Variants in LINGO2 observed in about 807,000 individuals in gnomAD.
LINGO2 encodes the protein leucine-rich repeat and immunoglobulin-like domain-containing nogo receptor-interacting protein 2.
Under a neutral mutation model 30.6 loss-of-function variants are expected in LINGO2, and 14 were observed. That is an observed-to-expected ratio of 0.46 (90% CI 0.30 to 0.72). The LOEUF is 0.72. LINGO2 is among the 30% of genes least tolerant of loss of function. The pLI is 0.07. For missense variants in LINGO2, 729 were observed against 751.7 expected (o/e 0.97, Z 0.35); for synonymous variants, 317 against 288.5 (o/e 1.10, Z -1.00).
chr9:28,620,336 T>C (rs1826335052), intron 1 of LINGO2, among the ~76,000 whole-genome samples: 1 of 152,120 alleles, frequency 6.6e-6, no homozygotes, highest in Non-Finnish European at 1.5e-5. Context: ...ACAATAGTTT[T>C]AAAAAGTATT....
At chr9:28,356,436 G>C (rs1023864273) in intron 3 of LINGO2, among the ~76,000 whole-genome samples, 2 of 151,998 alleles carry the variant, frequency 1.3e-5, no homozygotes, top group Non-Finnish European at 2.9e-5. Flanking sequence ...ACTGTCTCTG[G>C]GAAAGTTGAA....
At chr9:28,998,669 G>A in the LINGO2 span, among the ~76,000 whole-genome samples, 1 of 151,928 alleles carries the variant, frequency 6.6e-6, no homozygotes, top group Admixed American at 6.6e-5. Flanking sequence ...GTTAAGGATT[G>A]CAGGCAGAAG....
the LINGO2 span, among the ~76,000 whole-genome samples, chr9:29,037,212 G>A: frequency 6.6e-6 from 1 of 151,748 alleles, no homozygotes; most frequent in African/African-American, 2.4e-5. Context: ...ACACTAAGCA[G>A]GAAGACTTAA....
At chr9:28,841,390 T>G in the LINGO2 span, among the ~76,000 whole-genome samples, 1 of 151,830 alleles carries the variant, frequency 6.6e-6, no homozygotes, top group East Asian at 1.9e-4. Context: ...TTTCCTTATC[T>G]GTAATACTGG....
chr9:28,934,353 C>A, the LINGO2 span, among the ~76,000 whole-genome samples: 1 of 152,110 alleles, frequency 6.6e-6, no homozygotes, highest in East Asian at 1.9e-4. Context: ...TTAGAAAGAG[C>A]CTGAAAATGA....
At chr9:28,641,480 A>G (rs1276785450) in intron 1 of LINGO2, among the ~76,000 whole-genome samples, 5 of 152,192 alleles carry the variant, frequency 3.3e-5, no homozygotes, top group Admixed American at 2.0e-4. Context: ...AAACATTCAC[A>G]TAGCCCAATA....
At chr9:28,140,207 T>C (rs1055592611) in intron 4 of LINGO2, among the ~76,000 whole-genome samples, 3 of 152,186 alleles carry the variant, frequency 2.0e-5, no homozygotes, top group Non-Finnish European at 2.9e-5. Flanking sequence ...TCATGTACTC[T>C]GTAGACAGTG....
intron 4 of LINGO2, among the ~76,000 whole-genome samples, chr9:28,221,492 T>C (rs1006023330): frequency 1.3e-5 from 2 of 151,996 alleles, no homozygotes; most frequent in African/African-American, 4.8e-5. Flanking sequence ...TAATTGGAAG[T>C]AGAGGGAAGG....
chr9:28,743,086 AT>A, the LINGO2 span, among the ~76,000 whole-genome samples: 22 of 151,832 alleles, frequency 1.4e-4, no homozygotes, highest in Admixed American at 1.4e-3. Flanking sequence ...CTTCTTTAGT[AT>A]TTTTTTGTAA....
the LINGO2 span, among the ~76,000 whole-genome samples, chr9:28,713,134 G>A: frequency 9.9e-5 from 15 of 152,108 alleles, no homozygotes; most frequent in Non-Finnish European, 1.9e-4. Flanking sequence ...AAAGTGCTGC[G>A]ATTACAGGTG....
At chr9:28,231,543 A>G (rs1263574741) in intron 4 of LINGO2, among the ~76,000 whole-genome samples, 1 of 152,140 alleles carries the variant, frequency 6.6e-6, no homozygotes, top group Non-Finnish European at 1.5e-5. Context: ...AACAAAACTA[A>G]TATCTATAGC....
the LINGO2 span, among the ~76,000 whole-genome samples, chr9:29,037,771 T>C: frequency 6.6e-6 from 1 of 152,076 alleles, no homozygotes; most frequent in African/African-American, 2.4e-5. Flanking sequence ...AAAATATCTA[T>C]GCTTCAATTT....
intron 1 of LINGO2, among the ~76,000 whole-genome samples, chr9:28,639,751 T>C (rs1827479013): frequency 6.6e-6 from 1 of 152,174 alleles, no homozygotes; most frequent in Non-Finnish European, 1.5e-5. Flanking sequence ...TATAGCACAC[T>C]GATGGGTCTT....
At chr9:28,529,776 T>C (rs544635702) in intron 1 of LINGO2, among the ~76,000 whole-genome samples, 92 of 152,072 alleles carry the variant, frequency 6.0e-4, no homozygotes, top group African/African-American at 1.9e-3. Flanking sequence ...CTTTCCCAGG[T>C]TTACCAGTCT....
At position 28,556,474 on chromosome 9, in the gene LINGO2, C is replaced by T. The variant is rs531542335; in HGVS notation, c.-364-80449G>A. Among the ~76,000 whole-genome samples, 8 of 152,202 alleles carry T rather than the reference C, an allele frequency of 5.3e-5. No individual in the cohort carries two copies. The East Asian group carries it at 1.5e-3, about 29-fold the overall frequency. On this transcript the variant is annotated intron_variant, in intron 1 of 5. Transcript: ENST00000379992. ...GGACCTCTTCAAAGAGAACGACAAA[C>T]CACTGCTCAACGACATAAAAGAGGA...
chr9:28,173,233 T>A (rs1056059303), intron 4 of LINGO2, among the ~76,000 whole-genome samples: 1 of 152,176 alleles, frequency 6.6e-6, no homozygotes. Flanking sequence ...CATCCAATAA[T>A]ACCCTGCTTA....
At chr9:28,888,784 A>C in the LINGO2 span, 1 of 487,874 alleles carries the variant, frequency 2.0e-6, no homozygotes, top group Non-Finnish European at 4.3e-6. Context: ...TTAGAACTTA[A>C]ACTTATACTC....
rs775935968 is a variant in LINGO2 at position 27,990,463 on chromosome 9, C to CCT, written c.-36+21891_-36+21892insAG. Among the ~76,000 whole-genome samples the CCT allele has an allele frequency of 1.1e-3, 9 of 8,086 alleles. 1 individual carries two copies. The highest frequency in any genetic ancestry group is 0.022 in the South Asian group (2 of 90). The allele number at this position is 8,086 out of a possible 152,430, so 5.3% of individuals were successfully genotyped here. A position where few individuals can be genotyped will look rare whatever the true frequency, so the allele number is the denominator to read the frequency against. On this transcript the variant is annotated intron_variant, in intron 5 of 5. Transcript: ENST00000379992. ...AAGCATCACTTCAGTGGTCTCAATA[C>CCT]CCCCCCCCCTTTTATTTTTAACTTC...
In LINGO2 at chr9:28,653,226, G is replaced by A. The variant is rs184520202; in HGVS notation, c.-365+16974C>T. ...CCATGTGGACACCTCAAGTGAGACCGCTTCACATATAACTAGGATTTCTAG... is the reference window on the plus strand; with the variant it reads ...CCATGTGGACACCTCAAGTGAGACCACTTCACATATAACTAGGATTTCTAG... On this transcript the variant is annotated intron_variant, in intron 1 of 5. Coordinates refer to ENST00000379992, the Ensembl canonical transcript of LINGO2. Among the ~76,000 whole-genome samples, 6 of 152,152 alleles carry A rather than the reference G, an allele frequency of 3.9e-5. No individual in the cohort carries two copies. In the East Asian group the frequency reaches 9.7e-4, roughly 25 times the overall value.
Sources: allele counts gnomAD v4.1 joint callset (sites outside exome capture counted in the v4.1 genomes callset), GRCh38; gene constraint gnomAD v4.1.1; transcripts MANE v1.5; gene names NCBI Gene and HGNC (gene_info 2026-07-23, HGNC 2026-07-21).